Variants in TRA2B observed in about 807,000 individuals in gnomAD.
TRA2B encodes transformer-2 protein homolog beta.
Under a neutral mutation model 41.7 loss-of-function variants are expected in TRA2B, and 14 were observed. The observed-to-expected ratio is 0.34, with a 90% CI of 0.22 to 0.53. The LOEUF is 0.53. TRA2B is among the 20% of genes least tolerant of loss of function. TRA2B has a pLI of 0.95. For missense variants in TRA2B, 167 were observed against 396.8 expected (o/e 0.42, Z 4.92); for synonymous variants, 130 against 128.8 (o/e 1.01, Z -0.06).
intron 1 of TRA2B, chr3:185,936,711 C>A: frequency 1.0e-6 from 1 of 984,220 alleles, no homozygotes; most frequent in Non-Finnish European, 1.2e-6. Context: ...ATTATTCCCA[C>A]AGCCTCAAAA....
At position 185,924,305 on chromosome 3, in the gene TRA2B, A is replaced by C. The variant is rs371948465; in HGVS notation, c.334-321T>G. 5 of 214,208 alleles carry C rather than the reference A, an allele frequency of 2.3e-5. No homozygotes were observed. In the East Asian group the frequency reaches 3.7e-4, roughly 16 times the overall value. The allele number at this position is 214,208 out of a possible 1,614,324, so 13.3% of individuals were successfully genotyped here. On this transcript the variant is annotated intron_variant, in intron 3 of 8. Coordinates refer to ENST00000453386, the MANE Select transcript of TRA2B (RefSeq NM_004593.3). ...TTCACATATTCATAACATGACATAC[A>C]AGGATAACTGGAACCACACTGTGTC...
At chr3:185,937,779 A>G (rs553852248) in intron 1 of TRA2B, 46 bp downstream of exon 1, 1 of 1,612,832 alleles carries the variant, frequency 6.2e-7, no homozygotes, top group South Asian at 1.1e-5. Flanking sequence ...AAAAAGATGC[A>G]AGGAGCTAGG....
At chr3:185,932,343 G>A (rs77350998) in intron 1 of TRA2B, among the ~76,000 whole-genome samples, 1 of 152,106 alleles carries the variant, frequency 6.6e-6, no homozygotes, top group African/African-American at 2.4e-5. Context: ...CGTATTTAGC[G>A]TCACACATTT....
chr3:185,931,958 A>G (rs1578485199), intron 1 of TRA2B: 1 of 200,438 alleles, frequency 5.0e-6, no homozygotes, highest in Non-Finnish European at 7.5e-6. Flanking sequence ...ATTTGGATTA[A>G]AAAAAAAAAA....
chr3:185,930,726 T>C (rs774649377), intron 1 of TRA2B, among the ~76,000 whole-genome samples: 1 of 152,182 alleles, frequency 6.6e-6, no homozygotes, highest in African/African-American at 2.4e-5. Flanking sequence ...TTGGGTTGAA[T>C]TTCTCAATAA....
At chr3:185,926,208 G>C (rs986245697) in intron 2 of TRA2B, among the ~76,000 whole-genome samples, 4 of 146,416 alleles carry the variant, frequency 2.7e-5, no homozygotes, top group African/African-American at 1.0e-4. Context: ...AAAAAAAAGC[G>C]CACCATATAT....
intron 6 of TRA2B, among the ~76,000 whole-genome samples, chr3:185,919,750 C>T (rs2150111705): frequency 6.6e-6 from 1 of 151,998 alleles, no homozygotes; most frequent in East Asian, 1.9e-4. Flanking sequence ...AAATCTCAGC[C>T]CCAACAAATT....
chr3:185,917,588 T>A lies in TRA2B; in HGVS notation c.*127A>T. The A allele has an allele frequency of 1.1e-6, 1 of 876,154 alleles. No homozygotes were observed. The highest frequency in any genetic ancestry group is 1.7e-5 in the African/African-American group (1 of 58,238). The allele number at this position is 876,154 out of a possible 1,614,324, so 54.3% of individuals were successfully genotyped here. A position where few individuals can be genotyped will look rare whatever the true frequency, so the allele number is the denominator to read the frequency against. On this transcript the variant is annotated 3_prime_UTR_variant, in exon 9 of 9. Coordinates refer to ENST00000453386, the MANE Select transcript of TRA2B (RefSeq NM_004593.3). ...ATTTCAACTCCACCAAAAGTAGTCA[T>A]CGTAAAAGGTGTAAAAGTCACCTAA...
rs1482290695 is a variant in TRA2B at position 185,915,953 on chromosome 3, T to G, written c.*1762A>C. 1 of 152,206 alleles carries G rather than the reference T, an allele frequency of 6.6e-6. No homozygotes were observed. The highest frequency in any genetic ancestry group is 1.5e-5 in the Non-Finnish European group (1 of 68,030). 9.4% of individuals were successfully genotyped at this position (152,206 alleles called of 1,614,324 possible). A position where few individuals can be genotyped will look rare whatever the true frequency, so the allele number is the denominator to read the frequency against. On this transcript the variant is annotated 3_prime_UTR_variant, in exon 9 of 9. Transcript: ENST00000453386. ...TATCCATCCATAACACAACCCCCTC[T>G]GGGACCACACCCTAAAACTCAACTT...
chr3:185,921,030 T>TA (rs1560563074), intron 6 of TRA2B, 74 bp downstream of exon 6: 2 of 1,337,378 alleles, frequency 1.5e-6, no homozygotes, highest in Non-Finnish European at 2.1e-6. Flanking sequence ...TAACAAAGGC[T>TA]AAAACTTAAG....
intron 5 of TRA2B, among the ~76,000 whole-genome samples, chr3:185,921,503 G>C (rs1346267992): frequency 6.6e-6 from 1 of 152,156 alleles, no homozygotes; most frequent in Admixed American, 6.6e-5. Context: ...AGCAACTCAC[G>C]CCTGTAATCC....
intron 8 of TRA2B, 127 bp from the exon 9 acceptor site, chr3:185,917,852 A>C: frequency 1.2e-6 from 1 of 845,076 alleles, no homozygotes; most frequent in Admixed American, 2.5e-5. Context: ...CACCACCCCC[A>C]AATAGAGAAA....
intron 5 of TRA2B, 119 bp downstream of exon 5, chr3:185,921,892 A>C: frequency 1.6e-6 from 1 of 623,152 alleles, no homozygotes; most frequent in East Asian, 2.9e-5. Context: ...AGGAGCATTT[A>C]ATCAATCAAC....
intron 1 of TRA2B, chr3:185,937,312 C>T (rs1342218165): frequency 3.0e-6 from 3 of 988,350 alleles, no homozygotes; most frequent in Non-Finnish European, 3.6e-6. Flanking sequence ...TTAACCTAAA[C>T]ACCGGCCCAA....
intron 1 of TRA2B, chr3:185,936,178 G>A (rs539965085): frequency 2.0e-6 from 2 of 985,250 alleles, no homozygotes; most frequent in Non-Finnish European, 2.4e-6. Context: ...TTGAAGAGTA[G>A]AAAGGTACCC....
chr3:185,919,291 T>C, intron 7 of TRA2B, 146 bp downstream of exon 7: 1 of 572,714 alleles, frequency 1.7e-6, no homozygotes, highest in Non-Finnish European at 3.0e-6. Flanking sequence ...ACTTTATACA[T>C]TTAGTTTCCG....
At chr3:185,937,599 G>A (rs1047179134) in intron 1 of TRA2B, among the ~76,000 whole-genome samples, 3 of 152,218 alleles carry the variant, frequency 2.0e-5, no homozygotes, top group Non-Finnish European at 4.4e-5. Context: ...GTCTCGGGCA[G>A]AAGCCACATA....
rs747861988 is a variant in TRA2B at position 185,925,485 on chromosome 3, G to C, written c.312C>G (p.Arg104=). The C allele has an allele frequency of 9.7e-5, 157 of 1,613,790 alleles. 3 individuals are homozygous for C. The South Asian group carries it at 1.1e-3, about 11-fold the overall frequency. Residue 104 remains arginine, a synonymous_variant, in exon 3 of 9, where the codon CGC becomes CGG. Coordinates refer to ENST00000453386, the MANE Select transcript of TRA2B (RefSeq NM_004593.3). ...HSHSHSPMST[R]RRHVGNRANP... ...TTACCCGATTCCCAACATGACGCCTGCGAGTAGACATGGGAGAATGGCTGT... is the reference window on the plus strand; with the variant it reads ...TTACCCGATTCCCAACATGACGCCTCCGAGTAGACATGGGAGAATGGCTGT...
intron 1 of TRA2B, among the ~76,000 whole-genome samples, chr3:185,932,597 G>A (rs577039013): frequency 6.6e-6 from 1 of 152,234 alleles, no homozygotes; most frequent in East Asian, 1.9e-4. Flanking sequence ...CCTCAATTTA[G>A]AAAATATTAA....
Sources: allele counts gnomAD v4.1 joint callset (sites outside exome capture counted in the v4.1 genomes callset), GRCh38; gene constraint gnomAD v4.1.1; transcripts MANE v1.5; gene names NCBI Gene and HGNC (gene_info 2026-07-23, HGNC 2026-07-21).